The following GABRG3 variants were observed in gnomAD, a reference collection of about 807,000 sequenced individuals.
The protein encoded by GABRG3 is gamma-aminobutyric acid receptor subunit gamma-3.
GABRG3 carries 25 observed loss-of-function variants against 48.8 expected under a neutral mutation model. The ratio of observed to expected loss-of-function variants is 0.51; its 90% CI spans 0.37 to 0.72. The LOEUF is 0.72. GABRG3 is among the 30% of genes least tolerant of loss of function. The pLI is 0.00. For missense variants in GABRG3, 394 were observed against 577.9 expected, an observed-to-expected ratio of 0.68 and a Z score of 3.26; for synonymous variants, 227 against 217.6, an observed-to-expected ratio of 1.04 and a Z score of -0.38.
rs577355610 is a variant in GABRG3 at position 27,181,778 on chromosome 15, G to A, written c.271-145031G>A. 2.2e-3 allele frequency among the ~76,000 whole-genome samples: 332 copies of A among 152,180 alleles called. 1 individual carries two copies. Among genetic ancestry groups the A allele is most frequent in the African/African-American group, 7.5e-3 (310 of 41,520 alleles). ...AGATCCCAACGCTCAGAAGTGAGGA[G>A]TTCTGGTCATTTTCAGATTATAAGG... On this transcript the variant is annotated intron_variant, in intron 3 of 9. Transcript: ENST00000615808.
chr15:27,391,110 C>G (rs1167473568), intron 5 of GABRG3, among the ~76,000 whole-genome samples: 1 of 152,002 alleles, frequency 6.6e-6, no homozygotes, highest in Non-Finnish European at 1.5e-5. Flanking sequence ...GACACAATCC[C>G]TCAGGTTACA....
At position 27,306,589 on chromosome 15, in the gene GABRG3, TAATATAAAC is replaced by T. The variant is rs1566768447; in HGVS notation, c.271-20218_271-20210del. 2.9e-3 allele frequency among the ~76,000 whole-genome samples: 380 copies of T among 131,744 alleles called. 18 individuals are homozygous for T. The highest frequency in any genetic ancestry group is 0.01 in the African/African-American group (363 of 36,248). 86.4% of individuals were successfully genotyped at this position (131,744 alleles called of 152,430 possible). On this transcript the variant is annotated intron_variant, in intron 3 of 9. Transcript: ENST00000615808. ...ACATATATGTTTATATATAAACATATAATATAAACATATGTTTATATATAAACATATATA... is the reference window on the plus strand; with the variant it reads ...ACATATATGTTTATATATAAACATATATATGTTTATATATAAACATATATA...
intron 3 of GABRG3, among the ~76,000 whole-genome samples, chr15:27,320,472 C>T (rs1288677731): frequency 3.3e-5 from 5 of 152,094 alleles, no homozygotes; most frequent in African/African-American, 9.7e-5. Context: ...AAACTTTACA[C>T]GAGAGAAACC....
chr15:27,323,243 C>T (rs1421954079), intron 3 of GABRG3, among the ~76,000 whole-genome samples: 3 of 152,134 alleles, frequency 2.0e-5, no homozygotes, highest in Non-Finnish European at 4.4e-5. Flanking sequence ...TGGTAAAATT[C>T]TTCAAGTTTT....
intron 5 of GABRG3, among the ~76,000 whole-genome samples, chr15:27,368,917 C>A (rs749023453): frequency 6.6e-6 from 1 of 152,100 alleles, no homozygotes; most frequent in African/African-American, 2.4e-5. Flanking sequence ...TCGAAGGAAC[C>A]CCACATTCTG....
In GABRG3 at chr15:27,055,555, G is replaced by A. The variant is rs190840468; in HGVS notation, c.270+28734G>A. On this transcript the variant is annotated intron_variant, in intron 3 of 9. Transcript: ENST00000615808. Reference sequence around the variant, plus strand: ...CTCACATGGCAGGTCACAGTCAAACGCTGGCGCAGAACACACGGTGTTTTC... The same window carrying A: ...CTCACATGGCAGGTCACAGTCAAACACTGGCGCAGAACACACGGTGTTTTC... Among the ~76,000 whole-genome samples the A allele has an allele frequency of 1.6e-4, 25 of 152,252 alleles. No individual in the cohort carries two copies. In the East Asian group the frequency reaches 3.5e-3, roughly 21 times the overall value.
At chr15:27,041,932 A>G (rs1210149079) in intron 3 of GABRG3, among the ~76,000 whole-genome samples, 1 of 152,156 alleles carries the variant, frequency 6.6e-6, no homozygotes, top group Non-Finnish European at 1.5e-5. Flanking sequence ...GAGACCTCTG[A>G]GAGGTCTTCA....
intron 3 of GABRG3, among the ~76,000 whole-genome samples, chr15:27,175,082 G>A (rs920210031): frequency 6.6e-6 from 1 of 152,154 alleles, no homozygotes; most frequent in African/African-American, 2.4e-5. Context: ...TTCTTCTGGG[G>A]ATGGTGGGTT....
At chr15:27,397,990 G>A (rs1424415693) in intron 5 of GABRG3, among the ~76,000 whole-genome samples, 1 of 151,888 alleles carries the variant, frequency 6.6e-6, no homozygotes, top group Non-Finnish European at 1.5e-5. Context: ...ATTTTTAGTT[G>A]AGATGGGGTT....
At chr15:27,426,345 A>C (rs1888291717) in intron 5 of GABRG3, among the ~76,000 whole-genome samples, 1 of 152,196 alleles carries the variant, frequency 6.6e-6, no homozygotes, top group Non-Finnish European at 1.5e-5. Flanking sequence ...TGAAGGAAAA[A>C]AAGAGTTAGT....
At chr15:27,047,402 A>G (rs1422405481) in intron 3 of GABRG3, among the ~76,000 whole-genome samples, 2 of 152,210 alleles carry the variant, frequency 1.3e-5, no homozygotes, top group South Asian at 2.1e-4. Context: ...ATTTTGATTG[A>G]AAATGTGTGC....
At chr15:27,342,004 T>A (rs1216082219) in intron 5 of GABRG3, among the ~76,000 whole-genome samples, 2 of 152,186 alleles carry the variant, frequency 1.3e-5, no homozygotes, top group Non-Finnish European at 2.9e-5. Context: ...TAAGAGACAA[T>A]GTTCCATTCT....
chr15:27,051,697 G>A (rs1896458555), intron 3 of GABRG3, among the ~76,000 whole-genome samples: 1 of 152,178 alleles, frequency 6.6e-6, no homozygotes, highest in Non-Finnish European at 1.5e-5. Flanking sequence ...AGGGCTGGGG[G>A]TTTCAGGATG....
intron 3 of GABRG3, among the ~76,000 whole-genome samples, chr15:27,222,635 A>G (rs1889488198): frequency 6.6e-6 from 1 of 152,246 alleles, no homozygotes; most frequent in Non-Finnish European, 1.5e-5. Flanking sequence ...GACAGAATGC[A>G]CAACCCCAAG....
chr15:27,132,488 T>G lies in GABRG3; in HGVS notation c.270+105667T>G, dbSNP rs1384482786. Among the ~76,000 whole-genome samples, 392 of 146,984 alleles carry G rather than the reference T, an allele frequency of 2.7e-3. 2 individuals are homozygous for G. The highest frequency in any genetic ancestry group is 9.3e-3 in the African/African-American group (375 of 40,440). On this transcript the variant is annotated intron_variant, in intron 3 of 9. Coordinates refer to ENST00000615808, the MANE Select transcript of GABRG3 (RefSeq NM_033223.5). ...TAGTTACAGTTTTTTTTTTTTTTTTTTTTTTTTTTTTTGTGGCTTATTTTC... is the reference window on the plus strand; with the variant it reads ...TAGTTACAGTTTTTTTTTTTTTTTTGTTTTTTTTTTTTGTGGCTTATTTTC...
At chr15:27,337,415 A>T (rs1164225122) in intron 5 of GABRG3, among the ~76,000 whole-genome samples, 1 of 152,256 alleles carries the variant, frequency 6.6e-6, no homozygotes, top group Non-Finnish European at 1.5e-5. Context: ...AATATGAAAA[A>T]TTATCAATGA....
chr15:27,333,621 G>A (rs183756532), intron 5 of GABRG3, among the ~76,000 whole-genome samples: 75 of 152,266 alleles, frequency 4.9e-4, no homozygotes, highest in African/African-American at 1.7e-3. Flanking sequence ...TTTCTGCCGC[G>A]TAAAGTGACA....
At chr15:27,168,519 A>G in intron 3 of GABRG3, among the ~76,000 whole-genome samples, 1 of 152,198 alleles carries the variant, frequency 6.6e-6, no homozygotes, top group East Asian at 1.9e-4. Context: ...AGTTCACACC[A>G]TAAAGCCTGT....
At chr15:27,138,744 T>C (rs1300584846) in intron 3 of GABRG3, among the ~76,000 whole-genome samples, 1 of 152,228 alleles carries the variant, frequency 6.6e-6, no homozygotes, top group Admixed American at 6.5e-5. Context: ...TCTGAAGGCA[T>C]AATTCCATTG....
Sources: allele counts gnomAD v4.1 joint callset (sites outside exome capture counted in the v4.1 genomes callset), GRCh38; gene constraint gnomAD v4.1.1; transcripts MANE v1.5; gene names NCBI Gene and HGNC (gene_info 2026-07-23, HGNC 2026-07-21).